Variants in DZIP1 observed in about 807,000 individuals in gnomAD.
DZIP1 encodes cilium assembly protein DZIP1.
Under a neutral mutation model 107.6 loss-of-function variants are expected in DZIP1, and 97 were observed. The observed-to-expected ratio is 0.90, with a 90% CI of 0.77 to 1.07. The LOEUF (loss-of-function observed/expected upper bound fraction) is 1.07, where lower values mean the gene tolerates loss of function less well. DZIP1 is among the 50% of genes least tolerant of loss of function. The pLI is 0.00. For missense variants in DZIP1, 1,035 were observed against 1,063.6 expected, an observed-to-expected ratio of 0.97 and a Z score of 0.37; for synonymous variants, 390 against 386.4, an observed-to-expected ratio of 1.01 and a Z score of -0.11.
chr13:95,640,980 G>A (rs1053019123), intron 5 of DZIP1, among the ~76,000 whole-genome samples: 1 of 152,160 alleles, frequency 6.6e-6, no homozygotes, highest in Non-Finnish European at 1.5e-5. Flanking sequence ...GGCTTCAACA[G>A]CAATTTGTAT....
In DZIP1 at chr13:95,587,651, A is replaced by G. The variant is rs1594643286; in HGVS notation, c.2106T>C (p.Pro702=). The stretch of plus-strand genomic sequence containing the variant: ...TGCCCTTGTTTTGTGGTGGCGGCAC[A>G]GGAAGTGGGCCTGGGGATGCGTATG... ...IRAYASPGPL[P]VPPPQNKGSF... is the part of the protein sequence containing the mutation. Residue 702 remains proline, a synonymous_variant, in exon 20 of 23, where the codon CCT becomes CCC. Transcript: ENST00000376829. 2.5e-6 allele frequency: 4 copies of G among 1,614,100 alleles called. No homozygotes were observed. Among genetic ancestry groups the G allele is most frequent in the East Asian group, 2.2e-5 (1 of 44,876 alleles).
chr13:95,617,597 A>G (rs1017964439), intron 10 of DZIP1, among the ~76,000 whole-genome samples: 2 of 151,982 alleles, frequency 1.3e-5, no homozygotes, highest in African/African-American at 2.4e-5. Flanking sequence ...CTTGCCAACA[A>G]TGAAAACCAG....
intron 10 of DZIP1, among the ~76,000 whole-genome samples, chr13:95,619,135 T>C (rs1875502124): frequency 6.6e-6 from 1 of 152,254 alleles, no homozygotes; most frequent in African/African-American, 2.4e-5. Flanking sequence ...AAGTCACTTA[T>C]GATACATCCA....
chr13:95,616,236 G>A (rs1875049923), intron 10 of DZIP1, among the ~76,000 whole-genome samples: 1 of 152,170 alleles, frequency 6.6e-6, no homozygotes, highest in Non-Finnish European at 1.5e-5. Flanking sequence ...TGCCACGGGG[G>A]AAGCTCCCTG....
chr13:95,628,846 G>A (rs1339464156), intron 7 of DZIP1, among the ~76,000 whole-genome samples: 1 of 152,158 alleles, frequency 6.6e-6, no homozygotes, highest in Admixed American at 6.5e-5. Context: ...AAATCACAGA[G>A]AGGGAAAGTA....
chr13:95,628,244 T>C (rs1876783761), intron 7 of DZIP1, among the ~76,000 whole-genome samples: 1 of 152,164 alleles, frequency 6.6e-6, no homozygotes, highest in African/African-American at 2.4e-5. Context: ...GGTCTCACCA[T>C]GTTGCGCAGA....
At chr13:95,605,958 G>T in intron 14 of DZIP1, 45 bp downstream of exon 14, 1 of 1,584,048 alleles carries the variant, frequency 6.3e-7, no homozygotes, top group Non-Finnish European at 8.6e-7. Context: ...TCCAACTCAG[G>T]GTGGCAACTG....
At chr13:95,625,668 CA>C (rs1377952813) in intron 7 of DZIP1, among the ~76,000 whole-genome samples, 1 of 152,026 alleles carries the variant, frequency 6.6e-6, no homozygotes, top group East Asian at 1.9e-4. Context: ...GGAAAGTAAA[CA>C]ACGTGCTCTT....
chr13:95,618,411 T>C (rs1273058324), intron 10 of DZIP1, among the ~76,000 whole-genome samples: 2 of 152,218 alleles, frequency 1.3e-5, no homozygotes, highest in African/African-American at 4.8e-5. Context: ...TGTCTGTGTA[T>C]TATCACTATA....
Position 95,641,239 on chromosome 13 carries a change from A to T in DZIP1, c.597+56T>A, listed in dbSNP as rs1266519328. Reference sequence around the variant, plus strand: ...GTGGTGATACGGGACAGGCCTATCAAATGGGAACTGAGTTGTTTACTGGAT... The same window carrying T: ...GTGGTGATACGGGACAGGCCTATCATATGGGAACTGAGTTGTTTACTGGAT... On this transcript the variant is annotated intron_variant, in intron 5 of 22. Coordinates refer to ENST00000376829, the MANE Select transcript of DZIP1 (RefSeq NM_198968.4). This position sits in a 1 kb window ranked among gnomAD's most constrained non-coding sequence, Gnocchi z 4.3. 16 of 1,520,904 alleles carry T rather than the reference A, an allele frequency of 1.1e-5. No individual in the cohort carries two copies. The highest frequency in any genetic ancestry group is 1.3e-5 in the Non-Finnish European group (15 of 1,131,902). 94.2% of individuals were successfully genotyped at this position (1,520,904 alleles called of 1,614,324 possible).
In DZIP1 at chr13:95,635,809, G is replaced by A. The variant is rs557133652; in HGVS notation, c.598-2488C>T. ...ACTGCAATACGGCCACTCTATCAGGGCAAGTAGAATGCTTCAGCAGGGCTG... is the reference window on the plus strand; with the variant it reads ...ACTGCAATACGGCCACTCTATCAGGACAAGTAGAATGCTTCAGCAGGGCTG... On this transcript the variant is annotated intron_variant, in intron 5 of 22. Transcript: ENST00000376829. Among the ~76,000 whole-genome samples, 10 of 152,242 alleles carry A rather than the reference G, an allele frequency of 6.6e-5. No homozygotes were observed. In the South Asian group the frequency reaches 2.1e-3, roughly 32 times the overall value.
chr13:95,640,142 GC>G lies in DZIP1; in HGVS notation c.597+1152del, dbSNP rs569359855. ...CAAGTAGCTGGGACTACAGGCACATGCCACCAAGCCCAGCGAATTTTGGTAT... is the reference window on the plus strand; with the variant it reads ...CAAGTAGCTGGGACTACAGGCACATGCACCAAGCCCAGCGAATTTTGGTAT... On this transcript the variant is annotated intron_variant, in intron 5 of 22. Transcript: ENST00000376829. Among the ~76,000 whole-genome samples, 263 of 152,114 alleles carry G rather than the reference GC, an allele frequency of 1.7e-3. 1 individual carries two copies. Among genetic ancestry groups the G allele is most frequent in the Non-Finnish European group, 3.1e-3 (209 of 67,996 alleles).
intron 19 of DZIP1, 86 bp downstream of exon 19, chr13:95,589,068 C>T: frequency 1.9e-6 from 2 of 1,073,528 alleles, no homozygotes; most frequent in Non-Finnish European, 1.4e-6. Context: ...TTCATTCAAC[C>T]ATAATGAGCA....
chr13:95,642,016 G>A lies in DZIP1; in HGVS notation c.14C>T (p.Ala5Val). Residue 5 changes from alanine to valine, a missense_variant, in exon 4 of 23, where the codon GCA becomes GTA. Transcript: ENST00000376829. MQAE[A>V]ADWFSSMPFQ... ...TACCATGCTTGAAAACCAATCCGCT[G>A]CCTCAGCTTGCATAGGAGGAGCCGG... The A allele has an allele frequency of 1.9e-6, 3 of 1,576,688 alleles. No individual in the cohort carries two copies. Among genetic ancestry groups the A allele is most frequent in the Non-Finnish European group, 2.6e-6 (3 of 1,166,740 alleles).
intron 5 of DZIP1, among the ~76,000 whole-genome samples, chr13:95,635,198 CTTTT>C (rs141715380): frequency 2.9e-4 from 39 of 133,346 alleles, no homozygotes; most frequent in Non-Finnish European, 3.3e-4. Flanking sequence ...TGCATATTTC[CTTTT>C]TTTTTTTTTT....
intron 10 of DZIP1, among the ~76,000 whole-genome samples, chr13:95,614,678 A>C (rs1045792257): frequency 6.6e-6 from 1 of 152,100 alleles, no homozygotes; most frequent in South Asian, 2.1e-4. Flanking sequence ...TTCAAGCACT[A>C]TGCATTTTTC....
At chr13:95,633,190 G>A (rs1481494670) in intron 6 of DZIP1, 44 bp downstream of exon 6, 6 of 1,559,676 alleles carry the variant, frequency 3.8e-6, no homozygotes, top group Non-Finnish European at 5.3e-6. Flanking sequence ...AAAAGAAAAA[G>A]GGAGCAGGAA....
At chr13:95,591,761 A>G (rs1054535824) in intron 16 of DZIP1, among the ~76,000 whole-genome samples, 4 of 152,230 alleles carry the variant, frequency 2.6e-5, no homozygotes, top group African/African-American at 9.6e-5. Context: ...TACTGTACAA[A>G]TGTCAATCCT....
intron 7 of DZIP1, among the ~76,000 whole-genome samples, chr13:95,625,979 A>T (rs1246011971): frequency 6.6e-6 from 1 of 151,890 alleles, no homozygotes; most frequent in Non-Finnish European, 1.5e-5. Flanking sequence ...AAAAAAAAAA[A>T]AAATTAGCCA....
Sources: allele counts gnomAD v4.1 joint callset (sites outside exome capture counted in the v4.1 genomes callset), GRCh38; gene constraint gnomAD v4.1.1; non-coding constraint Gnocchi (gnomAD v3.1); transcripts MANE v1.5; gene names NCBI Gene and HGNC (gene_info 2026-07-23, HGNC 2026-07-21).